The following SHANK2 variants were observed in gnomAD, a reference collection of about 807,000 sequenced individuals.
SHANK2 encodes the protein SH3 and multiple ankyrin repeat domains 2.
A neutral mutation model predicts 133.7 loss-of-function variants in SHANK2; 43 were observed. The observed-to-expected ratio is 0.32, with a 90% CI of 0.25 to 0.41. SHANK2 has a LOEUF of 0.41. Among genes scored for constraint, SHANK2 ranks in the 10% least tolerant of loss-of-function variants. SHANK2 has a pLI of 1.00. For missense variants in SHANK2, 1,994 were observed against 2,235.8 expected (o/e 0.89, Z 2.18); for synonymous variants, 1,017 against 952.8 (o/e 1.07, Z -1.24).
chr11:70,543,217 T>C (rs1040323326), intron 17 of SHANK2, among the ~76,000 whole-genome samples: 28 of 152,180 alleles, frequency 1.8e-4, no homozygotes, highest in Non-Finnish European at 4.0e-4. Flanking sequence ...AATGGGTATT[T>C]GGTTTTCCTC....
chr11:70,896,564 C>G lies in SHANK2; in HGVS notation c.1111G>C (p.Ala371Pro). The G allele has an allele frequency of 1.4e-6, 1 of 718,946 alleles. No homozygotes were observed. The highest frequency in any genetic ancestry group is 2.6e-6 in the Non-Finnish European group (1 of 385,078). 44.5% of individuals were successfully genotyped at this position (718,946 alleles called of 1,614,324 possible). Reference protein sequence around the residue: ...NYNSQTPFQVAIIAGNFELAE... With the variant: ...NYNSQTPFQVPIIAGNFELAE... ...AGCTCAAAGTTGCCTGCTATTATGGCCACCTGCAAAGTGAAAATCACATTA... is the reference window on the plus strand; with the variant it reads ...AGCTCAAAGTTGCCTGCTATTATGGGCACCTGCAAAGTGAAAATCACATTA... Residue 371 changes from alanine (A) to proline (P), a missense_variant, in exon 11 of 26, where the codon GCC (alanine) becomes CCC (proline). This residue lies in a region of SHANK2 where 653 missense variants were observed against 563.4 expected (regional missense o/e 1.16). Coordinates refer to ENST00000601538, the MANE Select transcript of SHANK2 (RefSeq NM_012309.5).
chr11:70,739,942 G>T lies in SHANK2; in HGVS notation c.1778-41179C>A, dbSNP rs1162487680. On this transcript the variant is annotated intron_variant, in intron 14 of 25. Coordinates refer to ENST00000601538, the MANE Select transcript of SHANK2 (RefSeq NM_012309.5). This position sits in a 1 kb window ranked among gnomAD's most constrained non-coding sequence, Gnocchi z 4.3. ...TGGCATTCGGTGGCACGCAGGTAGG[G>T]CACAGAAGTCCAGCTTGGCTCCTTC... Among the ~76,000 whole-genome samples, 2 of 152,226 alleles carry T rather than the reference G, an allele frequency of 1.3e-5. No homozygotes were observed. Among genetic ancestry groups the T allele is most frequent in the Non-Finnish European group, 2.9e-5 (2 of 68,048 alleles).
chr11:70,728,036 T>C (rs1555031132), intron 14 of SHANK2, among the ~76,000 whole-genome samples: 1 of 152,168 alleles, frequency 6.6e-6, no homozygotes, highest in Admixed American at 6.5e-5. Context: ...ATAAATGCTT[T>C]GGAAAAGGAG....
At chr11:70,934,356 G>C (rs1555083111) in intron 10 of SHANK2, among the ~76,000 whole-genome samples, 1 of 151,488 alleles carries the variant, frequency 6.6e-6, no homozygotes, top group Admixed American at 6.6e-5. Flanking sequence ...ATGGAGGCCC[G>C]TGCAGCCGGC....
intron 15 of SHANK2, among the ~76,000 whole-genome samples, chr11:70,682,109 G>A (rs1036285257): frequency 1.1e-4 from 16 of 152,268 alleles, no homozygotes; most frequent in African/African-American, 3.6e-4. Context: ...TGACCCACAG[G>A]CCAGGTTCCA....
At chr11:70,860,731 G>T (rs781869343) in intron 11 of SHANK2, among the ~76,000 whole-genome samples, 10 of 152,178 alleles carry the variant, frequency 6.6e-5, no homozygotes, top group Non-Finnish European at 4.4e-5. Context: ...ATACACGCAA[G>T]GGGCCTGGCG....
rs536783972 is a variant in SHANK2 at position 70,622,277 on chromosome 11, C to T, written c.2061+37551G>A. ...CTCAGCAAAGGGCCCCACAGCTGCC[C>T]GGCAGTGTATGGAAGAGCCCAGGAC... On this transcript the variant is annotated intron_variant, in intron 17 of 25. Coordinates refer to ENST00000601538, the MANE Select transcript of SHANK2 (RefSeq NM_012309.5). 1.2e-3 allele frequency among the ~76,000 whole-genome samples: 182 copies of T among 152,226 alleles called. 2 individuals carry two copies. Among genetic ancestry groups the T allele is most frequent in the South Asian group, 8.3e-4 (4 of 4,818 alleles).
chr11:70,502,376 TG>T, intron 18 of SHANK2, 90 bp from the exon 19 acceptor site: 1 of 1,281,164 alleles, frequency 7.8e-7, no homozygotes, highest in Non-Finnish European at 1.1e-6. Flanking sequence ...GGCTGGCAGG[TG>T]GGTCTCAGGC....
At chr11:70,784,180 C>G (rs961069155) in intron 14 of SHANK2, among the ~76,000 whole-genome samples, 1 of 142,008 alleles carries the variant, frequency 7.0e-6, no homozygotes, top group Admixed American at 7.1e-5. Flanking sequence ...GAAACCCCTG[C>G]TTTTTTTTTT....
chr11:71,059,278 G>A (rs1950959278), intron 9 of SHANK2, among the ~76,000 whole-genome samples: 1 of 152,156 alleles, frequency 6.6e-6, no homozygotes, highest in Admixed American at 6.5e-5. Context: ...GAAGGAAATA[G>A]GGAGCAGCTG....
intron 25 of SHANK2, among the ~76,000 whole-genome samples, chr11:70,483,854 C>T (rs996928578): frequency 1.3e-5 from 2 of 152,178 alleles, no homozygotes; most frequent in African/African-American, 2.4e-5. Flanking sequence ...GCCAGCCTAT[C>T]GATACTCCTT....
At chr11:70,828,867 CATCT>C (rs1948685835) in intron 11 of SHANK2, among the ~76,000 whole-genome samples, 1 of 152,244 alleles carries the variant, frequency 6.6e-6, no homozygotes, top group Non-Finnish European at 1.5e-5. Context: ...ACACCCCCTC[CATCT>C]GTCACTGATC....
chr11:70,932,742 C>T (rs568240656), intron 10 of SHANK2, among the ~76,000 whole-genome samples: 37 of 152,286 alleles, frequency 2.4e-4, no homozygotes, highest in South Asian at 1.9e-3. Context: ...AGGCTCATGC[C>T]TTCCATACAA....
At chr11:70,914,624 C>T (rs1950241986) in intron 10 of SHANK2, among the ~76,000 whole-genome samples, 1 of 142,020 alleles carries the variant, frequency 7.0e-6, no homozygotes, top group African/African-American at 2.7e-5. Flanking sequence ...GTAAGACCGG[C>T]CTGGGCAAGG....
At chr11:70,873,231 T>C (rs1381989141) in intron 11 of SHANK2, 8 of 426,586 alleles carry the variant, frequency 1.9e-5, no homozygotes, top group Non-Finnish European at 3.4e-5. Context: ...GCCTTTCAAA[T>C]GCATTTGATA....
At chr11:70,613,404 C>T (rs1396541682) in intron 17 of SHANK2, among the ~76,000 whole-genome samples, 3 of 152,018 alleles carry the variant, frequency 2.0e-5, no homozygotes, top group South Asian at 2.1e-4. Context: ...AGGGTTTCAC[C>T]GTGTTAGCTA....
chr11:70,720,215 G>A (rs1001032488), intron 14 of SHANK2, among the ~76,000 whole-genome samples: 4 of 152,308 alleles, frequency 2.6e-5, no homozygotes, highest in Admixed American at 6.5e-5. Context: ...CTGCACACAC[G>A]TGCTTATAAA....
chr11:71,061,236 C>T (rs898340797), intron 9 of SHANK2, among the ~76,000 whole-genome samples: 2 of 152,236 alleles, frequency 1.3e-5, no homozygotes, highest in Non-Finnish European at 2.9e-5. Flanking sequence ...CATCTACTCA[C>T]CTGCATATTT....
intron 14 of SHANK2, among the ~76,000 whole-genome samples, chr11:70,737,491 ACT>A (rs1241396859): frequency 6.6e-6 from 1 of 151,942 alleles, no homozygotes. Flanking sequence ...GCTCAATGAG[ACT>A]CTGTCCGAGT....
Sources: allele counts gnomAD v4.1 joint callset (sites outside exome capture counted in the v4.1 genomes callset), GRCh38; gene constraint gnomAD v4.1.1; regional missense constraint gnomAD v4.1.1; non-coding constraint Gnocchi (gnomAD v3.1); transcripts MANE v1.5; gene names NCBI Gene and HGNC (gene_info 2026-07-23, HGNC 2026-07-21).